RBFOX1: variants seen among roughly 807,000 people sequenced by gnomAD.
The protein encoded by RBFOX1 is RNA binding fox-1 homolog 1, also known as RNA binding protein fox-1 homolog 1.
A neutral mutation model predicts 57.7 loss-of-function variants in RBFOX1; 8 were observed. That is an observed-to-expected ratio of 0.14 (90% CI 0.08 to 0.25). The LOEUF (loss-of-function observed/expected upper bound fraction) is 0.25. RBFOX1 is among the 10% of genes least tolerant of loss of function. The probability of loss-of-function intolerance (pLI) is 1.00; values close to 1 mark genes in which losing one functional copy is unlikely to be tolerated. For missense variants in RBFOX1, 611 were observed against 548.5 expected, an observed-to-expected ratio of 1.11 and a Z score of -1.14; for synonymous variants, 326 against 222.4, an observed-to-expected ratio of 1.47 and a Z score of -4.15.
chr16:6,605,820 C>T (rs1273454315), intron 2 of RBFOX1, among the ~76,000 whole-genome samples: 5 of 152,182 alleles, frequency 3.3e-5, no homozygotes, highest in Non-Finnish European at 5.9e-5. Flanking sequence ...TGCATCCTGG[C>T]AGGCCACAGT....
intron 4 of RBFOX1, among the ~76,000 whole-genome samples, chr16:7,129,260 A>G (rs1440203817): frequency 2.6e-5 from 4 of 152,086 alleles, no homozygotes; most frequent in African/African-American, 9.7e-5. Flanking sequence ...TAACCCCACA[A>G]TTGAACCAAT....
chr16:7,334,478 C>T (rs762664893), intron 4 of RBFOX1, among the ~76,000 whole-genome samples: 9 of 152,074 alleles, frequency 5.9e-5, no homozygotes, highest in Non-Finnish European at 1.3e-4. Flanking sequence ...GACCCTCTGC[C>T]GACCCATCTG....
At chr16:7,029,783 T>C (rs1430779714) in intron 3 of RBFOX1, among the ~76,000 whole-genome samples, 1 of 152,222 alleles carries the variant, frequency 6.6e-6, no homozygotes, top group East Asian at 1.9e-4. Flanking sequence ...CCATGTGATC[T>C]GATCTTCACA....
In RBFOX1 at chr16:7,607,121, T is replaced by C. The variant is rs1280391960; in HGVS notation, c.623-164T>C. On this transcript the variant is annotated intron_variant, in intron 9 of 15. Transcript: ENST00000550418. The stretch of plus-strand genomic sequence containing the variant: ...AAAGAAGGGCATAAATATATTTTCT[T>C]ATGTGTGGTTTTTAAGTATTTTTAT... Among the ~76,000 whole-genome samples the C allele has an allele frequency of 2.0e-5, 3 of 152,170 alleles. No homozygotes were observed. In the East Asian group the frequency reaches 5.8e-4, roughly 29 times the overall value.
At chr16:7,599,769 A>T (rs2094914946) in intron 9 of RBFOX1, among the ~76,000 whole-genome samples, 1 of 148,792 alleles carries the variant, frequency 6.7e-6, no homozygotes, top group African/African-American at 2.5e-5. Context: ...GGTAGCTGGG[A>T]CTACAGCCAC....
chr16:6,748,855 T>C (rs895648264), intron 3 of RBFOX1: 1 of 152,210 alleles, frequency 6.6e-6, no homozygotes, highest in East Asian at 1.9e-4. Context: ...ATTTCAGCAA[T>C]GAGCAAGACT....
chr16:7,035,083 G>T (rs1356298439), intron 3 of RBFOX1, among the ~76,000 whole-genome samples: 1 of 151,514 alleles, frequency 6.6e-6, no homozygotes, highest in Non-Finnish European at 1.5e-5. Flanking sequence ...TGTGGCCTCA[G>T]GTGATCCACC....
chr16:6,481,022 G>T (rs1406381543), intron 2 of RBFOX1, among the ~76,000 whole-genome samples: 2 of 152,266 alleles, frequency 1.3e-5, no homozygotes, highest in East Asian at 1.9e-4. Context: ...AATGTATCTT[G>T]TGCATGTTTT....
rs549872472 is a variant in RBFOX1 at position 5,466,704 on chromosome 16, C to G, written c.220-512C>G. ...TGCCTCCTTGACATCATCTCTTTGCCTCTCCCATCACTCGGTTTGATGGTT... is the reference window on the plus strand; with the variant it reads ...TGCCTCCTTGACATCATCTCTTTGCGTCTCCCATCACTCGGTTTGATGGTT... On this transcript the variant is annotated intron_variant, in intron 1 of 2. Transcript: ENST00000585867. Among the ~76,000 whole-genome samples, 25 of 152,316 alleles carry G rather than the reference C, an allele frequency of 1.6e-4. 2 individuals carry two copies. In the East Asian group the frequency reaches 3.7e-3, roughly 22 times the overall value.
chr16:7,107,070 A>G lies in RBFOX1; in HGVS notation c.27+54972A>G, dbSNP rs182929379. 3.3e-5 allele frequency among the ~76,000 whole-genome samples: 5 copies of G among 152,160 alleles called. No individual in the cohort carries two copies. The East Asian group carries it at 9.7e-4, about 29-fold the overall frequency. On this transcript the variant is annotated intron_variant, in intron 4 of 15. Transcript: ENST00000550418. ...TGCTATGATGTCAGGAAATACTTCTATAAGGAACTGATATTTAAGCCTGTT... is the reference window on the plus strand; with the variant it reads ...TGCTATGATGTCAGGAAATACTTCTGTAAGGAACTGATATTTAAGCCTGTT...
intron 3 of RBFOX1, among the ~76,000 whole-genome samples, chr16:6,708,274 C>G (rs2063115077): frequency 8.1e-6 from 1 of 123,440 alleles, no homozygotes; most frequent in African/African-American, 2.8e-5. Context: ...AGGATAGTCC[C>G]AAAGCATTTT....
intron 2 of RBFOX1, among the ~76,000 whole-genome samples, chr16:6,524,381 T>C (rs2096550332): frequency 6.6e-6 from 1 of 152,222 alleles, no homozygotes; most frequent in Admixed American, 6.5e-5. Flanking sequence ...ACTTGCTGTG[T>C]GCATTCATCT....
At chr16:6,613,585 G>C (rs778484697) in intron 2 of RBFOX1, among the ~76,000 whole-genome samples, 5 of 152,204 alleles carry the variant, frequency 3.3e-5, no homozygotes, top group Middle Eastern at 3.4e-3. Flanking sequence ...AACATAATGA[G>C]GTTGAAATCT....
At chr16:6,875,204 G>C (rs554520867) in intron 3 of RBFOX1, among the ~76,000 whole-genome samples, 1 of 152,130 alleles carries the variant, frequency 6.6e-6, no homozygotes, top group African/African-American at 2.4e-5. Context: ...ATAGTGCTAC[G>C]GTTGATGATG....
chr16:6,992,054 A>T (rs775050190), intron 3 of RBFOX1, among the ~76,000 whole-genome samples: 1 of 152,286 alleles, frequency 6.6e-6, no homozygotes, highest in South Asian at 2.1e-4. Context: ...CACCTCTAGA[A>T]AATATTGGCC....
At chr16:5,898,773 C>A (rs76300570) in intron 4 of RBFOX1, among the ~76,000 whole-genome samples, 2 of 151,772 alleles carry the variant, frequency 1.3e-5, no homozygotes, top group Admixed American at 6.6e-5. Context: ...AAAAAAATAG[C>A]TACTGGTTGC....
At chr16:6,838,869 G>C (rs1367256607) in intron 3 of RBFOX1, among the ~76,000 whole-genome samples, 1 of 151,740 alleles carries the variant, frequency 6.6e-6, no homozygotes, top group African/African-American at 2.4e-5. Flanking sequence ...ATCACACTGA[G>C]AATCTCACCC....
rs959134592 is a variant in RBFOX1, at chr16:6,566,678, C to T, written c.-63-87925C>T. Among the ~76,000 whole-genome samples the T allele has an allele frequency of 6.6e-5, 10 of 152,316 alleles. No homozygotes were observed. The South Asian group carries it at 1.2e-3, about 19-fold the overall frequency. ...ACACTCCTCAAGTCTGTCTTCTCCA[C>T]AGGCTAAATCAGTATTCCATCCACT... On this transcript the variant is annotated intron_variant, in intron 2 of 15. Transcript: ENST00000550418.
At position 7,039,445 on chromosome 16, in the gene RBFOX1, G is replaced by C. The variant is rs76505156; in HGVS notation, c.-15-12612G>C. ...CTATTTTCTCAAGTGTATTTTGTTC[G>C]TTTATGCAACATGAGACAGAATCAA... On this transcript the variant is annotated intron_variant, in intron 3 of 15. Coordinates refer to ENST00000550418, the MANE Select transcript of RBFOX1 (RefSeq NM_018723.4). Among the ~76,000 whole-genome samples, 633 of 152,134 alleles carry C rather than the reference G, an allele frequency of 4.2e-3. 6 individuals are homozygous for C. Among genetic ancestry groups the C allele is most frequent in the East Asian group, 0.024 (126 of 5,160 alleles).
Sources: gnomAD v4.1 joint callset for allele counts (sites outside exome capture counted in the v4.1 genomes callset) on GRCh38, gnomAD v4.1.1 for gene constraint, MANE v1.5 for transcripts, NCBI Gene and HGNC (gene_info 2026-07-23, HGNC 2026-07-21) for gene names.